NCOR1: variants seen among roughly 807,000 people sequenced by gnomAD.
NCOR1 encodes protein phosphatase 1, regulatory subunit 109.
A neutral mutation model predicts 288.1 loss-of-function variants in NCOR1; 63 were observed. The ratio of observed to expected loss-of-function variants is 0.22; its 90% CI spans 0.18 to 0.27. NCOR1 has a LOEUF of 0.27. Among genes scored for constraint, NCOR1 ranks in the 10% least tolerant of loss-of-function variants. NCOR1 has a pLI of 1.00. For missense variants in NCOR1, 2,397 were observed against 3,019.2 expected (o/e 0.79, Z 4.83); for synonymous variants, 1,007 against 1,065.9 (o/e 0.94, Z 1.08).
chr17:16,047,879 G>C (rs2058852083), intron 41 of NCOR1, among the ~76,000 whole-genome samples: 2 of 152,268 alleles, frequency 1.3e-5, no homozygotes, highest in African/African-American at 2.4e-5. Flanking sequence ...ACAGGAATAA[G>C]ACATGGTCCC....
chr17:16,117,112 ACT>A (rs2071779816), intron 18 of NCOR1, among the ~76,000 whole-genome samples: 1 of 152,202 alleles, frequency 6.6e-6, no homozygotes, highest in Non-Finnish European at 1.5e-5. Context: ...ATAATGTTAT[ACT>A]CTCTGGTTTT....
At position 16,057,578 on chromosome 17, in the gene NCOR1, C is replaced by T. The variant is rs1484766437; in HGVS notation, c.6328G>A (p.Val2110Ile). Residue 2110 changes from valine (V) to isoleucine (I), a missense_variant, in exon 40 of 46, where the codon GTC becomes ATC. Coordinates refer to ENST00000268712, the MANE Select transcript of NCOR1 (RefSeq NM_006311.4). Reference sequence around the variant, plus strand: ...CTTGAACCTGGTCTTTGATGATGGACAGACTGAGCCTGGGATTCTGGGCTG... The same window carrying T: ...CTTGAACCTGGTCTTTGATGATGGATAGACTGAGCCTGGGATTCTGGGCTG... The part of the protein sequence containing the change: ...RYSPESQAQS[V>I]HHQRPGSRVS... 3 of 1,614,002 alleles carry T rather than the reference C, an allele frequency of 1.9e-6. No homozygotes were observed. Among genetic ancestry groups the T allele is most frequent in the East Asian group, 4.5e-5 (2 of 44,886 alleles).
At position 16,057,933 on chromosome 17, in the gene NCOR1, G is replaced by A. The variant is rs200022399; in HGVS notation, c.6142C>T (p.Leu2048=). Residue 2048 remains leucine, a synonymous_variant, in exon 39 of 46, where the codon CTG becomes TTG. Transcript: ENST00000268712. ...GMGQVPRTHR[L]ITLADHICQI... is the part of the protein sequence containing the mutation. ...CAGATGTGATCAGCAAGTGTGATCA[G>A]CCGATGGGTCCTGGGCACTTGCCCC... is the stretch of plus-strand genomic sequence containing the variant. 1 of 1,612,774 alleles carries A rather than the reference G, an allele frequency of 6.2e-7. No individual in the cohort carries two copies. The highest frequency in any genetic ancestry group is 8.5e-7 in the Non-Finnish European group (1 of 1,179,296).
chr17:16,040,130 T>C, intron 43 of NCOR1: 2 of 515,910 alleles, frequency 3.9e-6, no homozygotes, highest in Admixed American at 4.5e-5. Flanking sequence ...TTAAGGAAAT[T>C]TGTTTCCCAA....
At chr17:16,081,118 C>A (rs988241468) in intron 23 of NCOR1, among the ~76,000 whole-genome samples, 7 of 151,652 alleles carry the variant, frequency 4.6e-5, no homozygotes, top group Non-Finnish European at 8.8e-5. Context: ...CTTCCAAAAA[C>A]TCTCTTCCAT....
rs531468415 is a variant in NCOR1, at chr17:16,061,769, T to C, written c.5513A>G (p.Lys1838Arg). 8.7e-6 allele frequency: 14 copies of C among 1,614,250 alleles called. No individual in the cohort carries two copies. Among genetic ancestry groups the C allele is most frequent in the Non-Finnish European group, 1.1e-5 (13 of 1,180,044 alleles). Residue 1838 changes from lysine to arginine, a missense_variant, in exon 37 of 46, where the codon AAA (lysine) becomes AGA (arginine). Around this residue, in one of 11 missense-constraint regions of NCOR1, gnomAD observed 1,872 missense variants for 2,187.8 expected, o/e 0.86. Transcript: ENST00000268712. ...AGCTTCATGCTTACTCTCTTTTGTT[T>C]TGGACACATCCATCTGGGGTGCAGA... ...AASAPQMDVS[K>R]TKESKHEAAR...
rs561748624 is a variant in NCOR1 at position 16,141,385 on chromosome 17, T to C, written c.1174-2199A>G. 3.3e-5 allele frequency among the ~76,000 whole-genome samples: 5 copies of C among 152,286 alleles called. No individual in the cohort carries two copies. In the South Asian group the frequency reaches 8.3e-4, roughly 25 times the overall value. On this transcript the variant is annotated intron_variant, in intron 11 of 45. Coordinates refer to ENST00000268712, the MANE Select transcript of NCOR1 (RefSeq NM_006311.4). ...AAGAAAAACCACCTGTAGAAGTCTA[T>C]TTTGATCAGTATAAGAACAATCTGA...
chr17:16,125,836 T>C (rs1304514853), intron 15 of NCOR1, among the ~76,000 whole-genome samples: 1 of 151,610 alleles, frequency 6.6e-6, no homozygotes, highest in Admixed American at 6.6e-5. Context: ...AGCTAAATAA[T>C]GTGGACACAT....
chr17:16,152,085 G>T, intron 7 of NCOR1, 87 bp from the exon 8 acceptor site: 2 of 752,054 alleles, frequency 2.7e-6, no homozygotes, highest in South Asian at 2.5e-5. Context: ...TGTAAGCACA[G>T]GTAAAGTACT....
At position 16,127,357 on chromosome 17, in the gene NCOR1, GTATATATACATGTATGTATATA is replaced by G. The variant is rs2074520569; in HGVS notation, c.1510-1173_1510-1152del. Among the ~76,000 whole-genome samples, 14 of 139,412 alleles carry G rather than the reference GTATATATACATGTATGTATATA, an allele frequency of 1.0e-4. 7 individuals carry two copies. Among genetic ancestry groups the G allele is most frequent in the Admixed American group, 1.4e-4 (2 of 13,872 alleles). 91.5% of individuals were successfully genotyped at this position (139,412 alleles called of 152,430 possible). A position where few individuals can be genotyped will look rare whatever the true frequency, so the allele number is the denominator to read the frequency against. The stretch of plus-strand genomic sequence containing the variant: ...TATATACATGTATGTATATATGTAT[GTATATATACATGTATGTATATA>G]TGTATGTATATATACATGTGTATAT... On this transcript the variant is annotated intron_variant, in intron 14 of 45. Transcript: ENST00000268712.
intron 2 of NCOR1, among the ~76,000 whole-genome samples, chr17:16,188,323 CT>C (rs1252363378): frequency 6.6e-6 from 1 of 152,036 alleles, no homozygotes; most frequent in African/African-American, 2.4e-5. Flanking sequence ...ATTTAAAAAA[CT>C]TTTTCAGCCT....
chr17:16,093,004 G>A (rs1315572493), intron 21 of NCOR1, among the ~76,000 whole-genome samples: 2 of 151,828 alleles, frequency 1.3e-5, no homozygotes, highest in Non-Finnish European at 2.9e-5. Flanking sequence ...GTGCCTGGCA[G>A]ATCACATCCA....
intron 37 of NCOR1, among the ~76,000 whole-genome samples, chr17:16,061,034 T>C (rs1258415959): frequency 6.6e-6 from 1 of 152,178 alleles, no homozygotes; most frequent in Non-Finnish European, 1.5e-5. Context: ...GGCTTTGGGG[T>C]ATTGGCATAA....
chr17:16,100,018 G>A (rs1598601147), intron 20 of NCOR1, among the ~76,000 whole-genome samples: 1 of 151,996 alleles, frequency 6.6e-6, no homozygotes, highest in East Asian at 1.9e-4. Flanking sequence ...CACTCTGAAA[G>A]ATAAACTTTG....
chr17:16,107,996 C>T (rs538232612), intron 19 of NCOR1, among the ~76,000 whole-genome samples: 6 of 151,112 alleles, frequency 4.0e-5, no homozygotes. Flanking sequence ...AAATAAAGAC[C>T]CTACACAGAA....
intron 3 of NCOR1, among the ~76,000 whole-genome samples, chr17:16,181,724 G>A (rs1022984693): frequency 5.3e-5 from 8 of 152,110 alleles, no homozygotes; most frequent in Admixed American, 1.3e-4. Context: ...ATATGTAAAT[G>A]TAAAAATCAT....
chr17:16,193,976 C>A (rs2089207760), intron 2 of NCOR1, among the ~76,000 whole-genome samples: 1 of 152,146 alleles, frequency 6.6e-6, no homozygotes, highest in Admixed American at 6.6e-5. Flanking sequence ...TTATTTTTCA[C>A]AAGGTAAATC....
At chr17:16,189,097 C>T (rs1272731694) in intron 2 of NCOR1, among the ~76,000 whole-genome samples, 1 of 151,658 alleles carries the variant, frequency 6.6e-6, no homozygotes, top group Admixed American at 6.6e-5. Context: ...AAAATAACAA[C>T]AGAATCAAAT....
At position 16,145,596 on chromosome 17, in the gene NCOR1, T is replaced by C. The variant is rs1206834505; in HGVS notation, c.1082+780A>G. Among the ~76,000 whole-genome samples, 2 of 149,746 alleles carry C rather than the reference T, an allele frequency of 1.3e-5. 1 individual carries two copies. The highest frequency in any genetic ancestry group is 3.0e-5 in the Non-Finnish European group (2 of 67,054). On this transcript the variant is annotated intron_variant, in intron 10 of 45. Transcript: ENST00000268712. Reference sequence around the variant, plus strand: ...AGCGTCTCTGCCCGGCTGCCCAGTCTGAGACGTGAGGAGCCCCTCTGCCCG... The same window carrying C: ...AGCGTCTCTGCCCGGCTGCCCAGTCCGAGACGTGAGGAGCCCCTCTGCCCG...
Sources: gnomAD v4.1 joint callset for allele counts (sites outside exome capture counted in the v4.1 genomes callset) on GRCh38, gnomAD v4.1.1 for gene constraint, gnomAD v4.1.1 regional missense constraint, MANE v1.5 for transcripts, NCBI Gene and HGNC (gene_info 2026-07-23, HGNC 2026-07-21) for gene names.